Variants in KCNH5 observed in about 807,000 individuals in gnomAD.
The protein encoded by KCNH5 is voltage-gated delayed rectifier potassium channel KCNH5.
A neutral mutation model predicts 96.1 loss-of-function variants in KCNH5; 46 were observed. That is an observed-to-expected ratio of 0.48 (90% confidence interval 0.38 to 0.61). The LOEUF is 0.61. Among genes scored for constraint, KCNH5 ranks in the 20% least tolerant of loss-of-function variants. KCNH5 has a pLI of 0.00. For missense variants in KCNH5, 907 were observed against 1,225.8 expected (o/e 0.74, Z 3.88); for synonymous variants, 439 against 449.8 (o/e 0.98, Z 0.30).
intron 2 of KCNH5, among the ~76,000 whole-genome samples, chr14:63,011,730 C>T (rs1891232544): frequency 6.6e-6 from 1 of 152,146 alleles, no homozygotes; most frequent in Admixed American, 6.5e-5. Flanking sequence ...TGCCCTTCAA[C>T]ACTTTTCATC....
intron 8 of KCNH5, among the ~76,000 whole-genome samples, chr14:62,820,116 T>C (rs1457070813): frequency 6.6e-6 from 1 of 152,190 alleles, no homozygotes; most frequent in Non-Finnish European, 1.5e-5. Context: ...ATTGGCATTT[T>C]GCAACAGGAA....
Position 63,027,271 on chromosome 14 carries a change from A to G in KCNH5, c.74-10317T>C, listed in dbSNP as rs567910782. On this transcript the variant is annotated intron_variant, in intron 1 of 10. Coordinates refer to ENST00000322893, the MANE Select transcript of KCNH5 (RefSeq NM_139318.5). ...AAGGAATAAGTTTGAGTGATCTACTATATATCAGGTTAATGACAGTTGATA... is the reference window on the plus strand; with the variant it reads ...AAGGAATAAGTTTGAGTGATCTACTGTATATCAGGTTAATGACAGTTGATA... Among the ~76,000 whole-genome samples the G allele has an allele frequency of 4.6e-5, 7 of 152,122 alleles. No individual in the cohort carries two copies. The South Asian group carries it at 1.0e-3, about 23-fold the overall frequency.
chr14:62,921,695 C>T (rs1163847247), intron 7 of KCNH5, among the ~76,000 whole-genome samples: 1 of 152,116 alleles, frequency 6.6e-6, no homozygotes, highest in African/African-American at 2.4e-5. Flanking sequence ...GAAACAACTT[C>T]CCAACCATTT....
chr14:62,925,950 G>A (rs1259919215), intron 7 of KCNH5, among the ~76,000 whole-genome samples: 1 of 152,064 alleles, frequency 6.6e-6, no homozygotes, highest in African/African-American at 2.4e-5. Context: ...GTATAAATTA[G>A]AGGCATAGAC....
At chr14:62,794,661 T>A (rs1049583210) in intron 9 of KCNH5, among the ~76,000 whole-genome samples, 5 of 152,094 alleles carry the variant, frequency 3.3e-5, no homozygotes, top group Non-Finnish European at 7.4e-5. Context: ...GACGCCCAAG[T>A]GTATTTTTCA....
intron 9 of KCNH5, among the ~76,000 whole-genome samples, chr14:62,798,799 G>A (rs1358853917): frequency 2.6e-5 from 4 of 152,054 alleles, no homozygotes; most frequent in African/African-American, 4.8e-5. Flanking sequence ...AAAGAATTAC[G>A]TGCCTATCGA....
intron 1 of KCNH5, 88 bp downstream of exon 1, chr14:63,045,026 C>G (rs974491486): frequency 1.2e-5 from 13 of 1,080,506 alleles, no homozygotes; most frequent in South Asian, 5.1e-5. Flanking sequence ...TCCTCCTCCC[C>G]CCTTGGGAGA....
At position 62,802,448 on chromosome 14, in the gene KCNH5, G is replaced by A. The variant is rs1002445202; in HGVS notation, c.1703C>T (p.Thr568Ile). The change falls in exon 9 of 11, where the codon ACC (threonine) becomes ATC (isoleucine). Residue 568 changes from threonine to isoleucine, a missense_variant. By Grantham distance (89) the Thr-to-Ile change is moderately conservative. Around this residue, in one of 6 missense-constraint regions of KCNH5, gnomAD observed 20 missense variants for 57.9 expected, o/e 0.35. Coordinates refer to ENST00000322893, the MANE Select transcript of KCNH5 (RefSeq NM_139318.5). ...CLRALAVEFQTIHCAPGDLIY... is the reference protein window; with the variant it reads ...CLRALAVEFQIIHCAPGDLIY... ...GAGGTCCCCGGGAGCACAGTGAATG[G>A]TTTGGAACTCTACCGCCAAGGCGCG... is the stretch of plus-strand genomic sequence containing the variant. 6.2e-7 allele frequency: 1 copy of A among 1,614,128 alleles called. No individual in the cohort carries two copies. Among genetic ancestry groups the A allele is most frequent in the Non-Finnish European group, 8.5e-7 (1 of 1,180,004 alleles).
intron 10 of KCNH5, among the ~76,000 whole-genome samples, chr14:62,720,913 G>T (rs1440186332): frequency 6.6e-6 from 1 of 152,140 alleles, no homozygotes; most frequent in Non-Finnish European, 1.5e-5. Flanking sequence ...ATACACACAT[G>T]CACAGTATGC....
In KCNH5 at chr14:62,979,047, T is replaced by A. The variant is rs139084366; in HGVS notation, c.942+1825A>T. Among the ~76,000 whole-genome samples, 68 of 152,272 alleles carry A rather than the reference T, an allele frequency of 4.5e-4. No homozygotes were observed. The East Asian group carries it at 0.012, about 26-fold the overall frequency. ...TGAAGTTTTGTATTCTTCCACCATC[T>A]CTCCATTCACCCCACCCCTTGGTAA... On this transcript the variant is annotated intron_variant, in intron 6 of 10. Transcript: ENST00000322893.
At chr14:62,781,919 A>G (rs1886227308) in intron 9 of KCNH5, among the ~76,000 whole-genome samples, 2 of 152,232 alleles carry the variant, frequency 1.3e-5, no homozygotes, top group Admixed American at 1.3e-4. Context: ...TGGGGAAGTG[A>G]TAAGTGTCCA....
intron 7 of KCNH5, among the ~76,000 whole-genome samples, chr14:62,946,777 G>A (rs532574989): frequency 1.3e-5 from 2 of 152,106 alleles, no homozygotes; most frequent in Admixed American, 1.3e-4. Context: ...ATTCAACTTA[G>A]ATGGATCTCA....
intron 7 of KCNH5, among the ~76,000 whole-genome samples, chr14:62,901,533 C>G (rs1201366754): frequency 1.3e-5 from 2 of 152,250 alleles, no homozygotes; most frequent in Non-Finnish European, 2.9e-5. Flanking sequence ...CCAGCTGCAT[C>G]CATGTTGCTG....
At chr14:62,995,923 T>C (rs1890898410) in intron 4 of KCNH5, among the ~76,000 whole-genome samples, 1 of 152,020 alleles carries the variant, frequency 6.6e-6, no homozygotes, top group Admixed American at 6.6e-5. Context: ...TAGATAAATG[T>C]AAGACAAGGA....
intron 8 of KCNH5, among the ~76,000 whole-genome samples, chr14:62,846,857 G>A (rs4899098): frequency 0.1 from 13,214 of 128,446 alleles, 929 homozygotes; most frequent in East Asian, 0.3. Context: ...CTGGAGTGCA[G>A]TGGTGCCATC....
intron 7 of KCNH5, among the ~76,000 whole-genome samples, chr14:62,912,339 G>C (rs906436767): frequency 6.6e-6 from 1 of 151,438 alleles, no homozygotes; most frequent in Non-Finnish European, 1.5e-5. Flanking sequence ...TGTTTGCTGA[G>C]TTAAATCAGA....
intron 4 of KCNH5, among the ~76,000 whole-genome samples, chr14:63,000,538 G>C (rs1890990771): frequency 6.6e-6 from 1 of 152,112 alleles, no homozygotes; most frequent in Admixed American, 6.5e-5. Context: ...CTCTCCTGAA[G>C]ACAAAATTAT....
At chr14:62,819,138 T>C (rs1031219114) in intron 8 of KCNH5, among the ~76,000 whole-genome samples, 3 of 152,084 alleles carry the variant, frequency 2.0e-5, no homozygotes, top group African/African-American at 7.2e-5. Context: ...AGCTAATTTT[T>C]TGTATTTTTC....
intron 7 of KCNH5, among the ~76,000 whole-genome samples, chr14:62,918,599 C>T (rs773618468): frequency 2.0e-5 from 3 of 151,966 alleles, no homozygotes; most frequent in Non-Finnish European, 4.4e-5. Context: ...GCAAAACATA[C>T]AAATGGTCAA....
Sources: gnomAD v4.1 joint callset for allele counts (sites outside exome capture counted in the v4.1 genomes callset) on GRCh38, gnomAD v4.1.1 for gene constraint, gnomAD v4.1.1 regional missense constraint, MANE v1.5 for transcripts, NCBI Gene and HGNC (gene_info 2026-07-23, HGNC 2026-07-21) for gene names.